RYR3: variants seen among roughly 807,000 people sequenced by gnomAD.
RYR3 encodes the protein ryanodine receptor 3.
RYR3 carries 207 observed loss-of-function variants against 584.3 expected under a neutral mutation model. The observed-to-expected ratio is 0.35, with a 90% confidence interval of 0.32 to 0.40. The LOEUF is 0.40. RYR3 is among the 10% of genes least tolerant of loss of function. The probability of loss-of-function intolerance (pLI) is 1.00; values close to 1 mark genes in which losing one functional copy is unlikely to be tolerated. For synonymous variants in RYR3, 2,416 were observed against 2,248.5 expected, an observed-to-expected ratio of 1.07 and a Z score of -2.11; for missense variants, 5,616 against 6,089.2, an observed-to-expected ratio of 0.92 and a Z score of 2.59.
intron 67 of RYR3, among the ~76,000 whole-genome samples, chr15:33,794,101 T>C (rs1244885937): frequency 7.5e-6 from 1 of 133,304 alleles, no homozygotes. Flanking sequence ...ATATATATTA[T>C]ATAAATATAA....
At chr15:33,476,034 A>G (rs898722755) in intron 2 of RYR3, among the ~76,000 whole-genome samples, 2 of 152,236 alleles carry the variant, frequency 1.3e-5, no homozygotes, top group African/African-American at 4.8e-5. Flanking sequence ...AATACTAAGT[A>G]TAAAGTTGTT....
At chr15:33,715,378 C>A (rs1462886621) in intron 43 of RYR3, among the ~76,000 whole-genome samples, 1 of 152,128 alleles carries the variant, frequency 6.6e-6, no homozygotes, top group Non-Finnish European at 1.5e-5. Flanking sequence ...GAAAAATTAA[C>A]CAATGGCAAA....
At chr15:33,572,658 TACACACAC>T in intron 12 of RYR3, among the ~76,000 whole-genome samples, 1 of 124,514 alleles carries the variant, frequency 8.0e-6, no homozygotes, top group African/African-American at 3.3e-5. Flanking sequence ...AAACTATATA[TACACACAC>T]ACACACACAC....
At chr15:33,682,810 G>A (rs2064722209) in intron 38 of RYR3, among the ~76,000 whole-genome samples, 1 of 152,180 alleles carries the variant, frequency 6.6e-6, no homozygotes, top group Non-Finnish European at 1.5e-5. Flanking sequence ...TCCTAGAGAT[G>A]CAACAAGGTC....
chr15:33,848,567 A>C, intron 94 of RYR3, 146 bp downstream of exon 94: 1 of 798,674 alleles, frequency 1.3e-6, no homozygotes, highest in South Asian at 2.0e-5. Context: ...CAATAAAGCC[A>C]CTTACTGCCC....
intron 45 of RYR3, among the ~76,000 whole-genome samples, chr15:33,725,973 C>CA (rs1555427564): frequency 0.046 from 1,061 of 23,054 alleles, 126 homozygotes; most frequent in African/African-American, 0.099. Flanking sequence ...CCATCCCCCC[C>CA]CCCAAAAAAA....
chr15:33,655,036 C>G (rs556085029), intron 32 of RYR3, among the ~76,000 whole-genome samples: 1 of 152,196 alleles, frequency 6.6e-6, no homozygotes, highest in Non-Finnish European at 1.5e-5. Flanking sequence ...CAGAGGCCGC[C>G]ACCTTGTCTC....
chr15:33,852,507 T>C (rs914979029), intron 94 of RYR3: 1 of 155,316 alleles, frequency 6.4e-6, no homozygotes, highest in African/African-American at 2.4e-5. Flanking sequence ...GAATAGAAAA[T>C]AGAGTGGAAA....
intron 1 of RYR3, among the ~76,000 whole-genome samples, chr15:33,326,873 G>T (rs1017371635): frequency 6.6e-6 from 1 of 152,100 alleles, no homozygotes; most frequent in African/African-American, 2.4e-5. Flanking sequence ...TGATAAGGTA[G>T]ACTATATAGA....
chr15:33,376,610 G>A (rs1195532569), intron 1 of RYR3, among the ~76,000 whole-genome samples: 2 of 152,206 alleles, frequency 1.3e-5, no homozygotes, highest in African/African-American at 4.8e-5. Flanking sequence ...ACACAGTTGC[G>A]ACTATAACAG....
chr15:33,675,589 A>G (rs2064125698), intron 38 of RYR3, among the ~76,000 whole-genome samples: 1 of 152,182 alleles, frequency 6.6e-6, no homozygotes, highest in Non-Finnish European at 1.5e-5. Flanking sequence ...TATCCAGGAG[A>G]CTGAGCATGA....
At chr15:33,854,281 A>G (rs913971271) in intron 96 of RYR3, 108 bp from the exon 97 acceptor site, 3 of 792,878 alleles carry the variant, frequency 3.8e-6, no homozygotes, top group Non-Finnish European at 6.2e-6. Flanking sequence ...GCTGAGAGCC[A>G]TATTTAGGTT....
chr15:33,541,012 T>G (rs16972012), intron 7 of RYR3, 122 bp downstream of exon 7: 60,010 of 617,288 alleles, frequency 0.097, 3,386 homozygotes, highest in Middle Eastern at 0.15. Context: ...TAGCCTGATT[T>G]TAGCTCACTT....
At chr15:33,476,913 G>A (rs1359885710) in intron 2 of RYR3, among the ~76,000 whole-genome samples, 2 of 152,138 alleles carry the variant, frequency 1.3e-5, no homozygotes, top group Non-Finnish European at 2.9e-5. Flanking sequence ...GAGGAACTTG[G>A]GTTCCAAGAG....
At chr15:33,416,419 C>T (rs535204193) in intron 1 of RYR3, among the ~76,000 whole-genome samples, 3 of 152,204 alleles carry the variant, frequency 2.0e-5, no homozygotes, top group Admixed American at 6.5e-5. Flanking sequence ...GATGGTATCT[C>T]ATTGTGGTTT....
chr15:33,731,727 T>A, intron 48 of RYR3, 33 bp downstream of exon 48: 3 of 1,415,278 alleles, frequency 2.1e-6, no homozygotes, highest in Non-Finnish European at 3.0e-6. Context: ...TACTTCTGTG[T>A]ATGCATCCAG....
chr15:33,810,403 G>T (rs915473688), intron 70 of RYR3, 76 bp from the exon 71 acceptor site: 2 of 1,473,810 alleles, frequency 1.4e-6, no homozygotes, highest in Non-Finnish European at 1.9e-6. Context: ...AAGGAGGCAG[G>T]CTGCCTCTGA....
At chr15:33,753,877 G>A (rs1052711884) in intron 57 of RYR3, among the ~76,000 whole-genome samples, 10 of 152,056 alleles carry the variant, frequency 6.6e-5, no homozygotes, top group Non-Finnish European at 1.0e-4. Flanking sequence ...AAAAATTCCC[G>A]TTTACTGTAA....
At chr15:33,765,497 G>T (rs1017227239) in intron 60 of RYR3, among the ~76,000 whole-genome samples, 2 of 151,826 alleles carry the variant, frequency 1.3e-5, no homozygotes, top group Admixed American at 1.3e-4. Context: ...GCCGGGCATG[G>T]TAGCACACAC....
Sources: gnomAD v4.1 joint callset for allele counts (sites outside exome capture counted in the v4.1 genomes callset) on GRCh38, gnomAD v4.1.1 for gene constraint, MANE v1.5 for transcripts, NCBI Gene and HGNC (gene_info 2026-07-23, HGNC 2026-07-21) for gene names.